MYO1F: variants seen among roughly 807,000 people sequenced by gnomAD.
The protein encoded by MYO1F is myosin IF.
MYO1F carries 60 observed loss-of-function variants against 146.6 expected under a neutral mutation model. The ratio of observed to expected loss-of-function variants is 0.41; its 90% CI spans 0.33 to 0.51. The LOEUF is 0.51. Among genes scored for constraint, MYO1F ranks in the 20% least tolerant of loss-of-function variants. The pLI is 0.25. For synonymous variants in MYO1F, 602 were observed against 602.1 expected (o/e 1.00, Z 0.00); for missense variants, 1,274 against 1,534.3 (o/e 0.83, Z 2.83).
At chr19:8,574,695 TTC>T (rs1303347654) in intron 1 of MYO1F, among the ~76,000 whole-genome samples, 1 of 109,744 alleles carries the variant, frequency 9.1e-6, no homozygotes, top group African/African-American at 2.9e-5. Flanking sequence ...TCCTTTCTCT[TTC>T]TCTCTTTCTT....
At chr19:8,563,721 AG>A (rs1351985215) in intron 1 of MYO1F, among the ~76,000 whole-genome samples, 1 of 151,850 alleles carries the variant, frequency 6.6e-6, no homozygotes, top group East Asian at 2.0e-4. Context: ...TATGTTGGTC[AG>A]GCTGGTCTGG....
At chr19:8,569,861 A>G (rs1164457004) in intron 1 of MYO1F, among the ~76,000 whole-genome samples, 1 of 152,154 alleles carries the variant, frequency 6.6e-6, no homozygotes, top group South Asian at 2.1e-4. Context: ...GGGTCAGCAC[A>G]TAGTCCTGCT....
rs374646566 is a variant in MYO1F at position 8,551,727 on chromosome 19, G to C, written c.771+13C>G. On this transcript the variant is annotated intron_variant, in intron 8 of 27. Transcript: ENST00000644032. ...CTGCCTGGCCGGGGACTGGAGTAGA[G>C]GCCGGTGCTCACCAGAGTCTCACCA... 3.1e-6 allele frequency: 5 copies of C among 1,614,030 alleles called. No homozygotes were observed. The African/African-American group carries it at 6.7e-5, about 22-fold the overall frequency.
At chr19:8,539,841 G>C in intron 16 of MYO1F, 106 bp downstream of exon 16, 1 of 993,396 alleles carries the variant, frequency 1.0e-6, no homozygotes, top group East Asian at 2.6e-5. Context: ...CCCCAGGATT[G>C]GTAGACAGAC....
chr19:8,574,573 T>C (rs868927356), intron 1 of MYO1F, among the ~76,000 whole-genome samples: 8 of 90,020 alleles, frequency 8.9e-5, no homozygotes, highest in South Asian at 3.6e-4. Flanking sequence ...CTTTCTTTCT[T>C]TCTTTCTCTC....
At chr19:8,557,486 A>G (rs766826421) in intron 1 of MYO1F, among the ~76,000 whole-genome samples, 1 of 152,004 alleles carries the variant, frequency 6.6e-6, no homozygotes, top group Non-Finnish European at 1.5e-5. Flanking sequence ...ATTTTTTTGT[A>G]GAGATGGGGT....
chr19:8,563,484 A>G (rs2041944425), intron 1 of MYO1F, among the ~76,000 whole-genome samples: 1 of 145,714 alleles, frequency 6.9e-6, no homozygotes, highest in Admixed American at 7.1e-5. Flanking sequence ...ATTTTAGTAG[A>G]GACAGGATTT....
At chr19:8,537,092 A>G in intron 16 of MYO1F, 37 bp from the exon 17 acceptor site, 1 of 1,399,932 alleles carries the variant, frequency 7.1e-7, no homozygotes, top group Non-Finnish European at 1.0e-6. Context: ...TGGGGGGCAC[A>G]GAGATGGGAC....
chr19:8,561,350 TTCCCTCCCTCCCTCCC>T (rs754525032), intron 1 of MYO1F, among the ~76,000 whole-genome samples: 19 of 118,910 alleles, frequency 1.6e-4, no homozygotes, highest in South Asian at 2.9e-4. Context: ...TCAGCATGAA[TTCCCTCCCTCCCTCCC>T]TCCCTCCCTC....
At chr19:8,568,444 A>T (rs2042048854) in intron 1 of MYO1F, among the ~76,000 whole-genome samples, 1 of 150,856 alleles carries the variant, frequency 6.6e-6, no homozygotes, top group Non-Finnish European at 1.5e-5. Context: ...AAAAAAAAAA[A>T]ATTAATCACA....
rs774252995 is a variant in MYO1F at position 8,521,581 on chromosome 19, G to A, written c.3244C>T (p.Arg1082Trp). Reference sequence around the variant, plus strand: ...AAAAGGCCCTCCTGGCCGTGAAGCCGGCCCTTCCACCAGCCCGAGGGATCT... The same window carrying A: ...AAAAGGCCCTCCTGGCCGTGAAGCCAGCCCTTCCACCAGCCCGAGGGATCT... ...MEDPSGWWKG[R>W]LHGQEGLFPG... The change falls in exon 28 of 28, where the codon CGG becomes TGG. Residue 1082 changes from arginine (R) to tryptophan (W), a missense_variant. Physicochemically the swap from Arg to Trp is moderately radical, Grantham distance 101 (BLOSUM62 -3). Around this residue, in one of 2 missense-constraint regions of MYO1F, gnomAD observed 374 missense variants for 379.2 expected, o/e 0.99. Transcript: ENST00000644032. The A allele has an allele frequency of 7.4e-6, 12 of 1,614,028 alleles. No homozygotes were observed. Among genetic ancestry groups the A allele is most frequent in the South Asian group, 4.4e-5 (4 of 91,090 alleles).
Position 8,526,528 on chromosome 19 carries a change from C to G in MYO1F, c.2695G>C (p.Gly899Arg). 6.3e-7 allele frequency: 1 copy of G among 1,588,766 alleles called. No individual in the cohort carries two copies. Among genetic ancestry groups the G allele is most frequent in the African/African-American group, 1.3e-5 (1 of 74,944 alleles). The stretch of plus-strand genomic sequence containing the variant: ...CCAACCTTGAGCACTGCCAAGTCGC[C>G]GAAGCCGCGGGAGAAGGTGACGCTG... ...TRSVTFSRGFGDLAVLKVGGR... is the reference protein window; with the variant it reads ...TRSVTFSRGFRDLAVLKVGGR... The change falls in exon 24 of 28, where the codon GGC (glycine) becomes CGC (arginine). Residue 899 changes from glycine to arginine, a missense_variant. Coordinates refer to ENST00000644032, the MANE Select transcript of MYO1F (RefSeq NM_012335.4).
intron 12 of MYO1F, among the ~76,000 whole-genome samples, chr19:8,547,300 C>CAAAA (rs1196814670): frequency 4.4e-5 from 2 of 44,978 alleles, no homozygotes; most frequent in Admixed American, 3.5e-4. Flanking sequence ...GTTCCTGTCT[C>CAAAA]AAAAAAAAAA....
intron 21 of MYO1F, 46 bp from the exon 22 acceptor site, chr19:8,527,529 C>T (rs1286843811): frequency 1.2e-6 from 2 of 1,605,854 alleles, no homozygotes; most frequent in African/African-American, 2.7e-5. Context: ...GCCTGGCCAG[C>T]CTGGCCACAG....
chr19:8,541,083 A>G (rs1372865324), intron 15 of MYO1F, among the ~76,000 whole-genome samples: 1 of 152,060 alleles, frequency 6.6e-6, no homozygotes, highest in African/African-American at 2.4e-5. Flanking sequence ...TCCTAGGCTC[A>G]AGTGATCCTT....
intron 16 of MYO1F, among the ~76,000 whole-genome samples, chr19:8,538,621 C>T (rs1972830727): frequency 6.8e-6 from 1 of 147,854 alleles, no homozygotes; most frequent in South Asian, 2.1e-4. Flanking sequence ...CAGGGTCTCA[C>T]TCTGTTCCCA....
rs188342443 is a variant in MYO1F at position 8,524,186 on chromosome 19, C to T, written c.2854+1293G>A. Among the ~76,000 whole-genome samples the T allele has an allele frequency of 3.3e-4, 49 of 147,180 alleles. No individual in the cohort carries two copies. The East Asian group carries it at 4.9e-3, about 15-fold the overall frequency. On this transcript the variant is annotated intron_variant, in intron 25 of 27. Coordinates refer to ENST00000644032, the MANE Select transcript of MYO1F (RefSeq NM_012335.4). ...CTGTAATCCCAGCAGTTTGGGAGGC[C>T]GAGGCGGGTGGATCACGAGGTCAGG... is the stretch of plus-strand genomic sequence containing the variant.
Position 8,530,717 on chromosome 19 carries a change from C to G in MYO1F, c.2044-144G>C. 1 of 685,538 alleles carries G rather than the reference C, an allele frequency of 1.5e-6. No homozygotes were observed. The highest frequency in any genetic ancestry group is 1.8e-5 in the African/African-American group (1 of 56,160). 42.5% of individuals were successfully genotyped at this position (685,538 alleles called of 1,614,324 possible). ...TGCTAATTTTTTTAAGAGGCGGGGT[C>G]TTTCTAGTGACACTCGTTCATAAAG... On this transcript the variant is annotated intron_variant, in intron 19 of 27. Transcript: ENST00000644032. This position sits in a 1 kb window ranked among gnomAD's most constrained non-coding sequence, Gnocchi z 5.8.
At chr19:8,533,817 C>T (rs746649143) in intron 19 of MYO1F, among the ~76,000 whole-genome samples, 13 of 152,140 alleles carry the variant, frequency 8.5e-5, no homozygotes, top group Non-Finnish European at 1.9e-4. Flanking sequence ...TTATAACATA[C>T]CTGGGATGCT....
Sources: allele counts gnomAD v4.1 joint callset (sites outside exome capture counted in the v4.1 genomes callset), GRCh38; gene constraint gnomAD v4.1.1; regional missense constraint gnomAD v4.1.1; non-coding constraint Gnocchi (gnomAD v3.1); transcripts MANE v1.5; gene names NCBI Gene and HGNC (gene_info 2026-07-23, HGNC 2026-07-21).